The following PHF24 variants were observed in gnomAD, a reference collection of about 807,000 sequenced individuals.
The protein encoded by PHF24 is Galpha inhibitory interacting protein.
PHF24 carries 25 observed loss-of-function variants against 42.6 expected under a neutral mutation model. The ratio of observed to expected loss-of-function variants is 0.59; its 90% confidence interval spans 0.43 to 0.82. PHF24 has a LOEUF of 0.82. Ranked by LOEUF, PHF24 falls within the 40% of genes least tolerant of loss-of-function variation. The pLI, the probability that PHF24 is intolerant of heterozygous loss-of-function variation, is 0.00. For missense variants in PHF24, 470 were observed against 538.1 expected (o/e 0.87, Z 1.25); for synonymous variants, 185 against 204.8 (o/e 0.90, Z 0.83).
chr9:34,703,403 A>G, the PHF24 span, among the ~76,000 whole-genome samples: 1 of 152,180 alleles, frequency 6.6e-6, no homozygotes, highest in Admixed American at 6.5e-5. Flanking sequence ...ACCTGACCTC[A>G]GGTGATCCAC....
At chr9:34,779,946 G>C in the PHF24 span, among the ~76,000 whole-genome samples, 2 of 152,174 alleles carry the variant, frequency 1.3e-5, no homozygotes, top group South Asian at 4.1e-4. Flanking sequence ...GGCTGGTCTC[G>C]AACTTCTGAC....
At chr9:34,903,929 A>G in the PHF24 span, among the ~76,000 whole-genome samples, 1 of 151,120 alleles carries the variant, frequency 6.6e-6, no homozygotes, top group Admixed American at 6.6e-5. Flanking sequence ...TTTTATTTTT[A>G]TTTTTTTTCA....
At chr9:34,727,983 A>G in the PHF24 span, 1 of 1,539,444 alleles carries the variant, frequency 6.5e-7, no homozygotes, top group Non-Finnish European at 8.8e-7. Flanking sequence ...ATCATAGGCC[A>G]GGCTGGTTGT....
chr9:34,874,783 C>T, the PHF24 span, among the ~76,000 whole-genome samples: 4 of 152,098 alleles, frequency 2.6e-5, no homozygotes, highest in Non-Finnish European at 5.9e-5. Flanking sequence ...TTCAATCACA[C>T]AGACTCTTCT....
the PHF24 span, among the ~76,000 whole-genome samples, chr9:34,883,268 A>G: frequency 6.6e-6 from 1 of 152,242 alleles, no homozygotes; most frequent in Non-Finnish European, 1.5e-5. Context: ...ACCCTAGAAG[A>G]AAACCGAGGC....
the PHF24 span, among the ~76,000 whole-genome samples, chr9:34,817,777 G>A: frequency 6.6e-6 from 1 of 152,128 alleles, no homozygotes; most frequent in East Asian, 1.9e-4. Context: ...GTAATTTTGT[G>A]TATGGAACAA....
At chr9:34,761,584 C>G in the PHF24 span, among the ~76,000 whole-genome samples, 1 of 152,130 alleles carries the variant, frequency 6.6e-6, no homozygotes, top group Admixed American at 6.5e-5. Context: ...GGGACACTTA[C>G]TAGAATTTTT....
chr9:34,873,062 T>A, the PHF24 span, among the ~76,000 whole-genome samples: 1 of 149,902 alleles, frequency 6.7e-6, no homozygotes, highest in African/African-American at 2.4e-5. Flanking sequence ...TTTGTTTTTT[T>A]CTTGTAAATT....
At chr9:34,699,644 C>T in the PHF24 span, among the ~76,000 whole-genome samples, 1 of 152,126 alleles carries the variant, frequency 6.6e-6, no homozygotes, top group African/African-American at 2.4e-5. Context: ...CCTGGAGTGC[C>T]TGTTGGGAAG....
the PHF24 span, among the ~76,000 whole-genome samples, chr9:34,716,565 CTTTGTTTTGTTTTGTTTTGT>C: frequency 6.7e-6 from 1 of 148,212 alleles, no homozygotes; most frequent in Non-Finnish European, 1.5e-5. Flanking sequence ...TTTTGTTTTG[CTTTGTTTTGTTTTGTTTTGT>C]TTTGTTTTGT....
chr9:34,951,939 A>G, the PHF24 span, among the ~76,000 whole-genome samples: 1 of 152,210 alleles, frequency 6.6e-6, no homozygotes, highest in Non-Finnish European at 1.5e-5. Flanking sequence ...TTAACAACCA[A>G]CATCATATTT....
chr9:34,742,891 C>T, the PHF24 span, among the ~76,000 whole-genome samples: 2 of 152,152 alleles, frequency 1.3e-5, no homozygotes, highest in Admixed American at 1.3e-4. Context: ...TATTGAACTG[C>T]TTGTTTTTGT....
the PHF24 span, among the ~76,000 whole-genome samples, chr9:34,907,092 G>T: frequency 6.6e-6 from 1 of 152,140 alleles, no homozygotes; most frequent in East Asian, 1.9e-4. Flanking sequence ...CTCCCAAAGG[G>T]CTAGGACTAC....
At chr9:34,842,465 G>A in the PHF24 span, among the ~76,000 whole-genome samples, 1 of 152,168 alleles carries the variant, frequency 6.6e-6, no homozygotes, top group Admixed American at 6.5e-5. Flanking sequence ...TTAGAAGTTG[G>A]AGCTTTTGGG....
chr9:34,918,119 T>C, the PHF24 span: 1 of 1,549,778 alleles, frequency 6.5e-7, no homozygotes. Flanking sequence ...TTTCTGCTGG[T>C]GTAGCCAATC....
At chr9:34,753,185 A>G in the PHF24 span, among the ~76,000 whole-genome samples, 1 of 152,260 alleles carries the variant, frequency 6.6e-6, no homozygotes, top group South Asian at 2.1e-4. Flanking sequence ...AGGTAAGAGT[A>G]AGAAACAAAG....
the PHF24 span, among the ~76,000 whole-genome samples, chr9:34,887,453 A>C: frequency 1.3e-5 from 2 of 152,062 alleles, no homozygotes; most frequent in African/African-American, 4.8e-5. Context: ...GTCATCCTCT[A>C]CCACTTTCTC....
At chr9:34,977,040 A>C in intron 5 of PHF24, 43 bp from the exon 6 acceptor site, 1 of 1,538,490 alleles carries the variant, frequency 6.5e-7, no homozygotes, top group Non-Finnish European at 8.8e-7. Context: ...TTGGCAGTTT[A>C]CAAGATATCT....
the PHF24 span, among the ~76,000 whole-genome samples, chr9:34,901,204 T>C: frequency 1.4e-4 from 21 of 152,340 alleles, no homozygotes; most frequent in African/African-American, 4.8e-4. Context: ...ATAAATTCTT[T>C]CAAAAATTTA....
Sources: gnomAD v4.1 joint callset for allele counts (sites outside exome capture counted in the v4.1 genomes callset) on GRCh38, gnomAD v4.1.1 for gene constraint, MANE v1.5 for transcripts, NCBI Gene and HGNC (gene_info 2026-07-23, HGNC 2026-07-21) for gene names.